SPMIP4: variants seen among roughly 807,000 people sequenced by gnomAD.
SPMIP4 encodes sperm-associated microtubule inner protein 4.
chr7:25,143,303 T>C, the SPMIP4 span, among the ~76,000 whole-genome samples: 1 of 152,252 alleles, frequency 6.6e-6, no homozygotes, highest in Non-Finnish European at 1.5e-5. Flanking sequence ...TTTTATTTTA[T>C]ATTTTCAAAA....
chr7:25,176,887 C>T, the SPMIP4 span, among the ~76,000 whole-genome samples: 6 of 152,114 alleles, frequency 3.9e-5, no homozygotes, highest in Admixed American at 3.3e-4. This position sits in a 1 kb window ranked among gnomAD's most constrained non-coding sequence, Gnocchi z 4.4. Flanking sequence ...GAAGTCTGAT[C>T]GAGATGGTGA....
At chr7:25,167,764 C>A in the SPMIP4 span, among the ~76,000 whole-genome samples, 1 of 152,150 alleles carries the variant, frequency 6.6e-6, no homozygotes, top group Non-Finnish European at 1.5e-5. Context: ...CTGAGTAAAT[C>A]CTTAGGAAAT....
At chr7:25,163,921 A>G in the SPMIP4 span, among the ~76,000 whole-genome samples, 1 of 152,228 alleles carries the variant, frequency 6.6e-6, no homozygotes, top group African/African-American at 2.4e-5. This position sits in a 1 kb window ranked among gnomAD's most constrained non-coding sequence, Gnocchi z 4.4. Flanking sequence ...ATTTTTGACT[A>G]AGGAACTCAA....
the SPMIP4 span, among the ~76,000 whole-genome samples, chr7:25,153,411 A>G: frequency 6.6e-6 from 1 of 152,000 alleles, no homozygotes. Context: ...TAAAAATACA[A>G]AAACTAGGTG....
the SPMIP4 span, among the ~76,000 whole-genome samples, chr7:25,168,851 G>A: frequency 7.5e-5 from 8 of 106,158 alleles, no homozygotes; most frequent in East Asian, 1.8e-3. Context: ...TCAGCCTCCC[G>A]AGTAGCTGAC....
At chr7:25,151,648 A>G in the SPMIP4 span, 23 of 1,611,596 alleles carry the variant, frequency 1.4e-5, no homozygotes, top group Admixed American at 2.2e-4. Flanking sequence ...CTTTGAATCC[A>G]TGGGAATATC....
the SPMIP4 span, among the ~76,000 whole-genome samples, chr7:25,174,177 CCTTT>C: frequency 6.6e-6 from 1 of 151,900 alleles, no homozygotes; most frequent in Non-Finnish European, 1.5e-5. The surrounding 1 kb of genome is among the most constrained non-coding windows in gnomAD (Gnocchi z 4.5). Flanking sequence ...AAATTTTAAA[CCTTT>C]CTCTTTCCCC....
At chr7:25,168,613 G>C in the SPMIP4 span, 1 of 648,502 alleles carries the variant, frequency 1.5e-6, no homozygotes, top group African/African-American at 1.9e-5. Context: ...GGTAGATTAT[G>C]ATACTGGTTA....
chr7:25,159,956 A>C, the SPMIP4 span, among the ~76,000 whole-genome samples: 1 of 152,032 alleles, frequency 6.6e-6, no homozygotes, highest in South Asian at 2.1e-4. Flanking sequence ...GCATATGCCT[A>C]AAAGCATATG....
At chr7:25,176,331 T>C in the SPMIP4 span, among the ~76,000 whole-genome samples, 1 of 152,174 alleles carries the variant, frequency 6.6e-6, no homozygotes, top group African/African-American at 2.4e-5. This position sits in a 1 kb window ranked among gnomAD's most constrained non-coding sequence, Gnocchi z 4.4. Context: ...AAACCTCACA[T>C]TGCTGTTTTT....
chr7:25,126,894 T>G, the SPMIP4 span, among the ~76,000 whole-genome samples: 11 of 152,260 alleles, frequency 7.2e-5, no homozygotes, highest in African/African-American at 2.4e-4. Context: ...ATCCCTCAGC[T>G]TCTGTTTGCC....
the SPMIP4 span, among the ~76,000 whole-genome samples, chr7:25,153,026 G>A: frequency 6.6e-6 from 1 of 152,016 alleles, no homozygotes; most frequent in East Asian, 1.9e-4. Flanking sequence ...TTACAGGCAT[G>A]AGCCACCACA....
the SPMIP4 span, among the ~76,000 whole-genome samples, chr7:25,175,351 A>G: frequency 3.9e-5 from 6 of 152,214 alleles, no homozygotes; most frequent in South Asian, 1.2e-3. Context: ...CTCTGCCTCT[A>G]GGCTCAAGTG....
At chr7:25,164,956 T>G in the SPMIP4 span, among the ~76,000 whole-genome samples, 5 of 152,350 alleles carry the variant, frequency 3.3e-5, no homozygotes, top group African/African-American at 1.2e-4. Context: ...ATGCCATTAT[T>G]TCATTTCTTT....
the SPMIP4 span, among the ~76,000 whole-genome samples, chr7:25,166,670 T>G: frequency 6.6e-6 from 1 of 152,028 alleles, no homozygotes; most frequent in East Asian, 1.9e-4. Flanking sequence ...GTGGATCACC[T>G]GAGGTCGGGA....
chr7:25,131,410 A>G, the SPMIP4 span, among the ~76,000 whole-genome samples: 4 of 152,250 alleles, frequency 2.6e-5, no homozygotes, highest in Non-Finnish European at 4.4e-5. This position sits in a 1 kb window ranked among gnomAD's most constrained non-coding sequence, Gnocchi z 4.2. Context: ...GCCCCGGTCC[A>G]TGGAAAAATT....
chr7:25,166,230 C>CTTTTTTTTT, the SPMIP4 span, among the ~76,000 whole-genome samples: 2 of 69,226 alleles, frequency 2.9e-5, no homozygotes, highest in Non-Finnish European at 4.0e-5. Flanking sequence ...TTCTTTCCGT[C>CTTTTTTTTT]TTCTTTTTTT....
the SPMIP4 span, among the ~76,000 whole-genome samples, chr7:25,152,094 C>T: frequency 6.6e-6 from 1 of 151,884 alleles, no homozygotes; most frequent in Non-Finnish European, 1.5e-5. Flanking sequence ...ACTAGTACTT[C>T]ACCTTTCTTC....
the SPMIP4 span, among the ~76,000 whole-genome samples, chr7:25,159,743 A>C: frequency 6.6e-6 from 1 of 152,250 alleles, no homozygotes; most frequent in East Asian, 1.9e-4. Context: ...ATCTGTGGGC[A>C]CGAAACTAAA....
Sources: allele counts gnomAD v4.1 joint callset (sites outside exome capture counted in the v4.1 genomes callset), GRCh38; gene constraint gnomAD v4.1.1; non-coding constraint Gnocchi (gnomAD v3.1); transcripts MANE v1.5; gene names NCBI Gene and HGNC (gene_info 2026-07-23, HGNC 2026-07-21).